Variants in DLGAP2 observed in about 807,000 individuals in gnomAD.
DLGAP2 encodes disks large-associated protein 2.
A neutral mutation model predicts 100.3 loss-of-function variants in DLGAP2; 26 were observed. The ratio of observed to expected loss-of-function variants is 0.26; its 90% confidence interval spans 0.19 to 0.36. The LOEUF is 0.36. Ranked by LOEUF, DLGAP2 falls within the 10% of genes least tolerant of loss-of-function variation. DLGAP2 has a pLI of 1.00. For missense variants in DLGAP2, 1,858 were observed against 1,453.2 expected (o/e 1.28, Z -4.53); for synonymous variants, 886 against 630.1 (o/e 1.41, Z -6.08).
chr8:755,623 T>G (rs1265525330), intron 1 of DLGAP2, among the ~76,000 whole-genome samples: 1 of 151,678 alleles, frequency 6.6e-6, no homozygotes, highest in Non-Finnish European at 1.5e-5. Flanking sequence ...CAGGTGGGGG[T>G]GAATGTATTC....
chr8:1,496,165 A>G (rs1352014962), intron 3 of DLGAP2, among the ~76,000 whole-genome samples: 1 of 152,022 alleles, frequency 6.6e-6, no homozygotes, highest in Non-Finnish European at 1.5e-5. Context: ...GCCCACAATC[A>G]TTTCTTTCCT....
intron 3 of DLGAP2, among the ~76,000 whole-genome samples, chr8:1,428,557 G>A (rs1797302813): frequency 6.6e-6 from 1 of 151,754 alleles, no homozygotes; most frequent in Non-Finnish European, 1.5e-5. Context: ...TTATAGGTCA[G>A]ATTGACTGCT....
intron 3 of DLGAP2, among the ~76,000 whole-genome samples, chr8:1,319,657 G>A (rs1007392532): frequency 1.3e-5 from 2 of 152,172 alleles, no homozygotes; most frequent in African/African-American, 2.4e-5. Flanking sequence ...ACTGGGGAGG[G>A]GCTCATGTCA....
chr8:1,036,360 CA>C (rs1563156872), intron 2 of DLGAP2, among the ~76,000 whole-genome samples: 2 of 152,276 alleles, frequency 1.3e-5, no homozygotes. Context: ...GGGGAGGACA[CA>C]AGACCCCCCG....
At chr8:1,653,256 C>T (rs1171258741) in intron 8 of DLGAP2, among the ~76,000 whole-genome samples, 1 of 150,438 alleles carries the variant, frequency 6.6e-6, no homozygotes, top group Non-Finnish European at 1.5e-5. Flanking sequence ...GTTCTTGGTG[C>T]CTGGAGACAC....
intron 2 of DLGAP2, among the ~76,000 whole-genome samples, chr8:1,119,034 T>C (rs571344738): frequency 1.3e-5 from 2 of 152,260 alleles, no homozygotes; most frequent in African/African-American, 4.8e-5. Context: ...TTCATATAAA[T>C]ACTTAATAGA....
intron 1 of DLGAP2, among the ~76,000 whole-genome samples, chr8:758,831 G>A (rs562890201): frequency 5.9e-5 from 9 of 152,202 alleles, no homozygotes; most frequent in African/African-American, 1.7e-4. Context: ...GAAGTGCTGA[G>A]ATTACAGATG....
chr8:1,488,293 CAGG>C (rs1262373075), intron 3 of DLGAP2, among the ~76,000 whole-genome samples: 3 of 152,160 alleles, frequency 2.0e-5, no homozygotes, highest in Non-Finnish European at 1.5e-5. Context: ...TTGGCCACAG[CAGG>C]AGGACGCAGC....
At chr8:830,406 C>T (rs1331809287) in intron 1 of DLGAP2, among the ~76,000 whole-genome samples, 1 of 152,150 alleles carries the variant, frequency 6.6e-6, no homozygotes, top group Non-Finnish European at 1.5e-5. Flanking sequence ...TTCATTCTTT[C>T]CATTTTTTTG....
intron 3 of DLGAP2, among the ~76,000 whole-genome samples, chr8:1,346,278 T>C (rs749165557): frequency 1.2e-4 from 18 of 151,430 alleles, no homozygotes; most frequent in Non-Finnish European, 2.1e-4. Flanking sequence ...GGATGTTGAG[T>C]TCCCATACAC....
intron 3 of DLGAP2, among the ~76,000 whole-genome samples, chr8:1,420,800 C>G (rs979804484): frequency 6.6e-6 from 1 of 152,296 alleles, no homozygotes; most frequent in African/African-American, 2.4e-5. Flanking sequence ...TGATTAAAAT[C>G]CCATAATCAT....
chr8:1,299,123 A>G (rs1297186615), intron 3 of DLGAP2, among the ~76,000 whole-genome samples: 1 of 152,242 alleles, frequency 6.6e-6, no homozygotes, highest in Non-Finnish European at 1.5e-5. Flanking sequence ...TGTATGGTAC[A>G]AAGAAGCAGG....
At chr8:1,473,221 G>T (rs537721850) in intron 3 of DLGAP2, among the ~76,000 whole-genome samples, 2 of 152,172 alleles carry the variant, frequency 1.3e-5, no homozygotes, top group Non-Finnish European at 2.9e-5. Flanking sequence ...GTGAGCCACC[G>T]TGCCCAGCCC....
chr8:1,683,990 T>TATATATAC (rs1799046315), intron 12 of DLGAP2, among the ~76,000 whole-genome samples: 1 of 81,806 alleles, frequency 1.2e-5, no homozygotes, highest in African/African-American at 4.8e-5. Flanking sequence ...ATATATATAC[T>TATATATAC]TTTTTTTTTA....
At chr8:1,670,802 G>C (rs906083924) in intron 10 of DLGAP2, among the ~76,000 whole-genome samples, 8 of 152,234 alleles carry the variant, frequency 5.3e-5, no homozygotes, top group African/African-American at 1.9e-4. Context: ...AGTTGGAGCA[G>C]CTCCAGTGTC....
chr8:1,178,820 G>A (rs1162819882), intron 2 of DLGAP2, among the ~76,000 whole-genome samples: 3 of 152,196 alleles, frequency 2.0e-5, no homozygotes, highest in African/African-American at 7.2e-5. Context: ...GCCAGCATCT[G>A]TCCACCCTGG....
chr8:818,194 C>G (rs528456909), intron 1 of DLGAP2, among the ~76,000 whole-genome samples: 1 of 152,208 alleles, frequency 6.6e-6, no homozygotes, highest in African/African-American at 2.4e-5. Flanking sequence ...GGGGGATGGA[C>G]ATGTGGTTTC....
At position 750,661 on chromosome 8, in the gene DLGAP2, G is replaced by C. The variant is rs564349004; in HGVS notation, c.18+12836G>C. 2.0e-5 allele frequency among the ~76,000 whole-genome samples: 3 copies of C among 152,278 alleles called. No homozygotes were observed. The South Asian group carries it at 6.2e-4, about 32-fold the overall frequency. ...TACATTTTGATGTCTGACTTCCACG[G>C]CACCTGGCCCACATCCCGGTCTGCC... On this transcript the variant is annotated intron_variant, in intron 1 of 14. Coordinates refer to ENST00000637795, the MANE Select transcript of DLGAP2 (RefSeq NM_001346810.2).
chr8:1,103,215 T>G (rs2129044114), intron 2 of DLGAP2, among the ~76,000 whole-genome samples: 1 of 152,338 alleles, frequency 6.6e-6, no homozygotes, highest in South Asian at 2.1e-4. Flanking sequence ...ACATGCTGGC[T>G]GCCCTGGGCG....
Sources: gnomAD v4.1 joint callset for allele counts (sites outside exome capture counted in the v4.1 genomes callset) on GRCh38, gnomAD v4.1.1 for gene constraint, MANE v1.5 for transcripts, NCBI Gene and HGNC (gene_info 2026-07-23, HGNC 2026-07-21) for gene names.